Variants in ZBBX observed in about 807,000 individuals in gnomAD.
ZBBX encodes zinc finger B-box domain containing.
A neutral mutation model predicts 108.5 loss-of-function variants in ZBBX; 101 were observed. The ratio of observed to expected loss-of-function variants is 0.93; its 90% confidence interval spans 0.79 to 1.10. The LOEUF is 1.10. Ranked by LOEUF, ZBBX falls within the 50% of genes least tolerant of loss-of-function variation. The pLI, the probability that ZBBX is intolerant of heterozygous loss-of-function variation, is 0.00. For synonymous variants in ZBBX, 356 were observed against 323.4 expected (o/e 1.10, Z -1.08); for missense variants, 1,009 against 941.4 (o/e 1.07, Z -0.94).
chr3:167,380,892 A>G (rs1435711591), upstream of ZBBX, among the ~76,000 whole-genome samples: 5 of 151,776 alleles, frequency 3.3e-5, no homozygotes, highest in African/African-American at 1.2e-4. Context: ...ACACACACAC[A>G]CACACACACA....
upstream of ZBBX, among the ~76,000 whole-genome samples, chr3:167,384,980 G>A (rs1747862079): frequency 6.6e-6 from 1 of 151,984 alleles, no homozygotes; most frequent in South Asian, 2.1e-4. Context: ...AGAAGGTGAA[G>A]ACACAATTCA....
the ZBBX span, among the ~76,000 whole-genome samples, chr3:167,212,283 T>C: frequency 6.6e-6 from 1 of 152,116 alleles, no homozygotes. Context: ...TCCATTCCCA[T>C]ATCTTCTCAC....
At position 167,252,212 on chromosome 3, in the gene ZBBX, CT is replaced by C. The variant is rs377474402; in HGVS notation, c.2255-9570del. ...CTTAGAAAGAAGAAGTGGATGCATC[CT>C]AGAAATAGCAGAAAACAAGTCAGAG... is the stretch of plus-strand genomic sequence containing the variant. On this transcript the variant is annotated intron_variant, in intron 20 of 21. Coordinates refer to ENST00000675490, the MANE Select transcript of ZBBX (RefSeq NM_001199201.2). The C allele has an allele frequency of 1.4e-5, 18 of 1,287,572 alleles. No homozygotes were observed. In the African/African-American group the frequency reaches 2.3e-4, roughly 16 times the overall value. 79.8% of individuals were successfully genotyped at this position (1,287,572 alleles called of 1,614,324 possible). A position where few individuals can be genotyped will look rare whatever the true frequency, so the allele number is the denominator to read the frequency against.
intron 18 of ZBBX, among the ~76,000 whole-genome samples, chr3:167,289,815 C>T (rs1394288183): frequency 6.6e-6 from 1 of 152,170 alleles, no homozygotes; most frequent in Non-Finnish European, 1.5e-5. Context: ...TCATGGAGTC[C>T]AGCAAGCTAA....
At chr3:167,348,290 G>GGAAGGAAGGAAGGAAGGAAA (rs1741886421) in intron 9 of ZBBX, among the ~76,000 whole-genome samples, 5 of 95,900 alleles carry the variant, frequency 5.2e-5, no homozygotes, top group African/African-American at 1.8e-4. Flanking sequence ...AAGGAAGGAA[G>GGAAGGAAGGAAGGAAGGAAA]GAAAGAAGAA....
intron 8 of ZBBX, among the ~76,000 whole-genome samples, chr3:167,352,382 T>C (rs1261579512): frequency 2.6e-5 from 4 of 151,804 alleles, no homozygotes; most frequent in African/African-American, 7.3e-5. Flanking sequence ...AGAAAACATA[T>C]AGAAAATGAA....
the ZBBX span, among the ~76,000 whole-genome samples, chr3:167,211,565 C>A: frequency 6.6e-6 from 1 of 152,152 alleles, no homozygotes; most frequent in African/African-American, 2.4e-5. Context: ...ATTGCACCTG[C>A]CTAAGAAGGA....
downstream of ZBBX, among the ~76,000 whole-genome samples, chr3:167,238,416 G>A (rs1007139859): frequency 5.9e-5 from 9 of 152,084 alleles, no homozygotes; most frequent in South Asian, 2.1e-4. Flanking sequence ...TATTGTCCAC[G>A]TTTGTTAATC....
At chr3:167,179,153 G>A in the ZBBX span, among the ~76,000 whole-genome samples, 6 of 152,012 alleles carry the variant, frequency 3.9e-5, no homozygotes, top group African/African-American at 7.2e-5. Context: ...GTGAGAAAAG[G>A]TGTCCACACA....
the ZBBX span, among the ~76,000 whole-genome samples, chr3:167,181,153 G>A: frequency 6.6e-6 from 1 of 152,130 alleles, no homozygotes; most frequent in Non-Finnish European, 1.5e-5. Flanking sequence ...ACCTTGGCAG[G>A]AACTTTGTCT....
intron 9 of ZBBX, among the ~76,000 whole-genome samples, chr3:167,337,291 G>A (rs1164615898): frequency 6.6e-6 from 1 of 152,116 alleles, no homozygotes; most frequent in Admixed American, 6.6e-5. Flanking sequence ...GCCGAGGTGG[G>A]AGGATCACTT....
chr3:167,378,332 A>G (rs972380513), intron 2 of ZBBX, among the ~76,000 whole-genome samples: 1 of 152,182 alleles, frequency 6.6e-6, no homozygotes, highest in African/African-American at 2.4e-5. Flanking sequence ...CAACTGAGAA[A>G]CTTTGCCTTT....
intron 20 of ZBBX, among the ~76,000 whole-genome samples, chr3:167,278,655 G>A (rs1475158325): frequency 2.6e-4 from 39 of 151,490 alleles, no homozygotes; most frequent in African/African-American, 7.5e-4. Flanking sequence ...ATTCACAGCC[G>A]AATTCTACCA....
intron 20 of ZBBX, among the ~76,000 whole-genome samples, chr3:167,270,398 AC>A (rs1473839040): frequency 6.6e-6 from 1 of 152,134 alleles, no homozygotes; most frequent in East Asian, 1.9e-4. Context: ...CTCCAGAAAA[AC>A]CTGACCATCT....
In ZBBX at chr3:167,328,082, G is replaced by A. The variant is rs775649532; in HGVS notation, c.722C>T (p.Thr241Ile). 6.2e-7 allele frequency: 1 copy of A among 1,613,606 alleles called. No individual in the cohort carries two copies. Among genetic ancestry groups the A allele is most frequent in the South Asian group, 1.1e-5 (1 of 91,016 alleles). ...EITTMKRAQR[T>I]KPRKSLLCEG... ...ACACAACAGACTCTTTCTTGGTTTTGTACGTTGTGCTCTTTTCATCGTTGT... is the reference window on the plus strand; with the variant it reads ...ACACAACAGACTCTTTCTTGGTTTTATACGTTGTGCTCTTTTCATCGTTGT... The change falls in exon 11 of 22, where the codon ACA (threonine) becomes ATA (isoleucine). Residue 241 changes from threonine to isoleucine, a missense_variant. By Grantham distance (89) the Thr-to-Ile change is moderately conservative. Coordinates refer to ENST00000675490, the MANE Select transcript of ZBBX (RefSeq NM_001199201.2).
intron 9 of ZBBX, among the ~76,000 whole-genome samples, chr3:167,350,156 C>T (rs1742376855): frequency 6.6e-6 from 1 of 151,936 alleles, no homozygotes. Context: ...TTTTAAGTGT[C>T]AAGTTCACAG....
chr3:167,345,533 A>G (rs1282153928), intron 9 of ZBBX, among the ~76,000 whole-genome samples: 1 of 151,828 alleles, frequency 6.6e-6, no homozygotes, highest in African/African-American at 2.4e-5. Context: ...ACATACCTGG[A>G]CTCTAAAATC....
rs748543062 is a variant in ZBBX at position 167,360,770 on chromosome 3, T to C, written c.274-47A>G. ...TATTTGTCAGGTATATATTATCTTA[T>C]TCAACGAAAGTTGCCAACAAAAATA... On this transcript the variant is annotated intron_variant, in intron 6 of 21. Coordinates refer to ENST00000675490, the MANE Select transcript of ZBBX (RefSeq NM_001199201.2). The C allele has an allele frequency of 4.8e-6, 6 of 1,246,434 alleles. No individual in the cohort carries two copies. The South Asian group carries it at 6.3e-5, about 13-fold the overall frequency. 77.2% of individuals were successfully genotyped at this position (1,246,434 alleles called of 1,614,324 possible).
At chr3:167,406,685 G>A (rs539396153) in intron 1 of ZBBX, among the ~76,000 whole-genome samples, 5 of 152,204 alleles carry the variant, frequency 3.3e-5, no homozygotes, top group South Asian at 4.1e-4. Context: ...CACCATGGAC[G>A]TAGCTAGGAA....
Sources: gnomAD v4.1 joint callset for allele counts (sites outside exome capture counted in the v4.1 genomes callset) on GRCh38, gnomAD v4.1.1 for gene constraint, MANE v1.5 for transcripts, NCBI Gene and HGNC (gene_info 2026-07-23, HGNC 2026-07-21) for gene names.